Variants in GAP43 observed in about 807,000 individuals in gnomAD.
The protein encoded by GAP43 is growth associated protein 43, also known as neuromodulin.
GAP43 carries 6 observed loss-of-function variants against 18.6 expected under a neutral mutation model. That is an observed-to-expected ratio of 0.32 (90% CI 0.18 to 0.64). The LOEUF (loss-of-function observed/expected upper bound fraction) is 0.64. GAP43 is among the 30% of genes least tolerant of loss of function. The pLI, the probability that GAP43 is intolerant of heterozygous loss-of-function variation, is 0.78. For missense variants in GAP43, 292 were observed against 295.5 expected, an observed-to-expected ratio of 0.99 and a Z score of 0.09; for synonymous variants, 115 against 111.4, an observed-to-expected ratio of 1.03 and a Z score of -0.20.
chr3:115,717,887 C>T (rs111635751), intron 2 of GAP43, among the ~76,000 whole-genome samples: 4 of 152,114 alleles, frequency 2.6e-5, no homozygotes, highest in Admixed American at 2.6e-4. Context: ...GTCCTAGGAC[C>T]AGGCAATGGA....
chr3:115,676,027 TGAC>T lies in GAP43; in HGVS notation c.49_51del (p.Asp17del). 1 of 1,597,080 alleles carries T rather than the reference TGAC, an allele frequency of 6.3e-7. No homozygotes were observed. Among genetic ancestry groups the T allele is most frequent in the East Asian group, 2.2e-5 (1 of 44,674 alleles). On this transcript the variant is annotated inframe_deletion, in exon 2 of 3. Transcript: ENST00000305124. ...TCTCGACAAAGGTTGAAAAAAATGA[TGAC>T]GACCAAAAGATTGAACAAGATGGTA...
intron 2 of GAP43, among the ~76,000 whole-genome samples, chr3:115,700,940 G>C (rs1382913501): frequency 6.6e-6 from 1 of 152,104 alleles, no homozygotes; most frequent in African/African-American, 2.4e-5. Flanking sequence ...ATGTAGATCA[G>C]ACTGACAGCA....
chr3:115,709,969 C>T (rs565581731), intron 2 of GAP43, among the ~76,000 whole-genome samples: 1 of 152,084 alleles, frequency 6.6e-6, no homozygotes, highest in South Asian at 2.1e-4. Context: ...TAAACCTCTG[C>T]TTATTAGACA....
At chr3:115,685,335 G>A (rs1490694550) in intron 2 of GAP43, among the ~76,000 whole-genome samples, 1 of 152,180 alleles carries the variant, frequency 6.6e-6, no homozygotes. Flanking sequence ...TTGCTAGTGT[G>A]TGACAGAAAC....
chr3:115,658,895 C>T (rs1448509203), intron 1 of GAP43: 1 of 152,510 alleles, frequency 6.6e-6, no homozygotes, highest in Non-Finnish European at 1.5e-5. Context: ...TCTTGGCCCG[C>T]TCGCCTTCAG....
chr3:115,666,449 C>A (rs1576987753), intron 1 of GAP43, among the ~76,000 whole-genome samples: 1 of 152,066 alleles, frequency 6.6e-6, no homozygotes, highest in Non-Finnish European at 1.5e-5. Context: ...TATCAACATG[C>A]CTTAACTTAA....
chr3:115,667,563 T>G (rs561307839), intron 1 of GAP43, among the ~76,000 whole-genome samples: 4 of 152,350 alleles, frequency 2.6e-5, no homozygotes, highest in Non-Finnish European at 5.9e-5. Context: ...CACTTCGCAG[T>G]GTCTTACCTG....
rs564137653 is a variant in GAP43, at chr3:115,708,616, A to G, written c.629-12178A>G. On this transcript the variant is annotated intron_variant, in intron 2 of 2. Transcript: ENST00000305124. ...TCCAACAGAGAGCTCTGAAGCACAA[A>G]CTGCACCATAGAGGTTGTTTTGTCC... Among the ~76,000 whole-genome samples, 10 of 152,288 alleles carry G rather than the reference A, an allele frequency of 6.6e-5. No homozygotes were observed. The South Asian group carries it at 1.9e-3, about 28-fold the overall frequency.
Position 115,623,633 on chromosome 3 carries a change from AG to A in GAP43, c.-56del. 5 of 1,607,950 alleles carry A rather than the reference AG, an allele frequency of 3.1e-6. No individual in the cohort carries two copies. The highest frequency in any genetic ancestry group is 4.3e-6 in the Non-Finnish European group (5 of 1,174,592). The stretch of plus-strand genomic sequence containing the variant: ...AAAAGAGGTGGAGAGGGGGGGAATA[AG>A]AAAGAGAGAGAAGGAAAGGAGAGAA... On this transcript the variant is annotated 5_prime_UTR_variant, in exon 1 of 3. Coordinates refer to ENST00000305124, the MANE Select transcript of GAP43 (RefSeq NM_002045.4).
Position 115,696,298 on chromosome 3 carries a change from G to A in GAP43, c.628+19688G>A, listed in dbSNP as rs1382810226. ...CAAGTCCATCATTTCCTGATACTTA[G>A]GCCATATGCCTTAAAATTATTCCTT... On this transcript the variant is annotated intron_variant, in intron 2 of 2. Coordinates refer to ENST00000305124, the MANE Select transcript of GAP43 (RefSeq NM_002045.4). 2.6e-5 allele frequency among the ~76,000 whole-genome samples: 4 copies of A among 151,848 alleles called. No individual in the cohort carries two copies. The East Asian group carries it at 7.7e-4, about 29-fold the overall frequency.
intron 1 of GAP43, among the ~76,000 whole-genome samples, chr3:115,671,279 G>A (rs1294908257): frequency 1.3e-5 from 2 of 152,084 alleles, no homozygotes; most frequent in Non-Finnish European, 2.9e-5. Flanking sequence ...CAACAATGTT[G>A]GATACTTAAG....
intron 2 of GAP43, among the ~76,000 whole-genome samples, chr3:115,680,900 A>G (rs965510053): frequency 9.9e-5 from 15 of 152,192 alleles, no homozygotes; most frequent in African/African-American, 3.4e-4. Context: ...GCTTTCCAAA[A>G]GATAGGTCCA....
intron 2 of GAP43, among the ~76,000 whole-genome samples, chr3:115,686,737 A>C (rs796092415): frequency 1.4e-4 from 22 of 152,348 alleles, no homozygotes; most frequent in African/African-American, 5.3e-4. Context: ...AAGAAGGAAA[A>C]TTTAAAAATA....
chr3:115,656,900 G>A (rs1708591469), intron 1 of GAP43, among the ~76,000 whole-genome samples: 1 of 152,160 alleles, frequency 6.6e-6, no homozygotes, highest in Non-Finnish European at 1.5e-5. Context: ...GCTTCGGAGT[G>A]TAATAGAACC....
At chr3:115,657,919 T>G (rs1380081469) in intron 1 of GAP43, among the ~76,000 whole-genome samples, 1 of 152,180 alleles carries the variant, frequency 6.6e-6, no homozygotes, top group East Asian at 1.9e-4. Context: ...GACAAGGTAT[T>G]ACTAAATTCC....
intron 1 of GAP43, chr3:115,658,475 T>G (rs533045709): frequency 5.9e-5 from 9 of 152,206 alleles, no homozygotes; most frequent in Non-Finnish European, 8.8e-5. Context: ...TGCAGTGTGA[T>G]CTCATCTCTT....
rs557699781 is a variant in GAP43, at chr3:115,644,533, T to C, written c.30+20814T>C. 1.3e-5 allele frequency among the ~76,000 whole-genome samples: 2 copies of C among 152,124 alleles called. No homozygotes were observed. Among genetic ancestry groups the C allele is most frequent in the East Asian group, 3.9e-4 (2 of 5,160 alleles). On this transcript the variant is annotated intron_variant, in intron 1 of 2. Coordinates refer to ENST00000305124, the MANE Select transcript of GAP43 (RefSeq NM_002045.4). This position sits in a 1 kb window ranked among gnomAD's most constrained non-coding sequence, Gnocchi z 4.2. Reference sequence around the variant, plus strand: ...TCAAAGAGTCAACATGGCAAAAACATTCCAAGATAAAAATAGCAAGATCTT... The same window carrying C: ...TCAAAGAGTCAACATGGCAAAAACACTCCAAGATAAAAATAGCAAGATCTT...
rs1708890491 is a variant in GAP43 at position 115,676,495 on chromosome 3, T to C, written c.513T>C (p.Pro171=). ...AKEEPKQADV[P]AAVTAAAATT... ...AGGAGCCTAAACAAGCCGATGTGCC[T>C]GCTGCTGTCACTGCTGCTGCTGCCA... The change falls in exon 2 of 3, where the codon CCT becomes CCC. Residue 171 remains proline, a synonymous_variant. Transcript: ENST00000305124. The C allele has an allele frequency of 1.9e-6, 3 of 1,614,042 alleles. No homozygotes were observed. The highest frequency in any genetic ancestry group is 2.5e-6 in the Non-Finnish European group (3 of 1,180,012).
At chr3:115,704,236 T>A (rs1709332285) in intron 2 of GAP43, among the ~76,000 whole-genome samples, 1 of 151,786 alleles carries the variant, frequency 6.6e-6, no homozygotes, top group South Asian at 2.1e-4. Context: ...GTGAAGGGGG[T>A]GATAGATGGG....
Sources: gnomAD v4.1 joint callset for allele counts (sites outside exome capture counted in the v4.1 genomes callset) on GRCh38, gnomAD v4.1.1 for gene constraint, Gnocchi (gnomAD v3.1) non-coding constraint, MANE v1.5 for transcripts, NCBI Gene and HGNC (gene_info 2026-07-23, HGNC 2026-07-21) for gene names.